The following CSMD1 variants were observed in gnomAD, a reference collection of about 807,000 sequenced individuals.
CSMD1 encodes the protein CUB and Sushi multiple domains 1.
CSMD1 carries 213 observed loss-of-function variants against 417.5 expected under a neutral mutation model. The observed-to-expected ratio is 0.51, with a 90% confidence interval of 0.46 to 0.57. The LOEUF is 0.57. Ranked by LOEUF, CSMD1 falls within the 20% of genes least tolerant of loss-of-function variation. CSMD1 has a pLI of 0.00. For synonymous variants in CSMD1, 2,862 were observed against 1,736.8 expected, an observed-to-expected ratio of 1.65 and a Z score of -16.11; for missense variants, 6,923 against 4,529.7, an observed-to-expected ratio of 1.53 and a Z score of -15.17.
At chr8:3,704,022 G>A (rs141296231) in intron 7 of CSMD1, among the ~76,000 whole-genome samples, 4,601 of 152,210 alleles carry the variant, frequency 0.03, 225 homozygotes, top group African/African-American at 0.1. Context: ...AGTGAGCTGA[G>A]ATCCTGCCAC....
chr8:3,690,712 T>C (rs1341893390), intron 7 of CSMD1, among the ~76,000 whole-genome samples: 2 of 152,220 alleles, frequency 1.3e-5, no homozygotes, highest in Admixed American at 6.5e-5. Context: ...GCATAGCTGA[T>C]ACATCTTTGC....
At chr8:3,774,378 C>T (rs543538404) in intron 5 of CSMD1, among the ~76,000 whole-genome samples, 6 of 152,074 alleles carry the variant, frequency 3.9e-5, no homozygotes, top group Non-Finnish European at 8.8e-5. Flanking sequence ...GTCATCTCCC[C>T]GGGATGCAAA....
intron 5 of CSMD1, among the ~76,000 whole-genome samples, chr8:3,776,146 T>C (rs1322032684): frequency 2.0e-5 from 3 of 152,166 alleles, no homozygotes; most frequent in Non-Finnish European, 4.4e-5. Flanking sequence ...ACTCTGCTCA[T>C]CTGCACATCA....
chr8:4,607,339 G>A (rs1388614573), intron 2 of CSMD1, among the ~76,000 whole-genome samples: 10 of 152,078 alleles, frequency 6.6e-5, no homozygotes, highest in East Asian at 5.8e-4. Context: ...TAGGGAGTGC[G>A]GGGGACGGGC....
At chr8:3,462,359 C>G (rs1462375931) in intron 12 of CSMD1, among the ~76,000 whole-genome samples, 3 of 152,168 alleles carry the variant, frequency 2.0e-5, no homozygotes, top group Admixed American at 6.5e-5. Flanking sequence ...CAGTACTCGT[C>G]CATGGCCTGC....
At chr8:3,884,404 C>A (rs1393855352) in intron 5 of CSMD1, among the ~76,000 whole-genome samples, 1 of 151,924 alleles carries the variant, frequency 6.6e-6, no homozygotes, top group East Asian at 1.9e-4. Context: ...CATCTTCTAG[C>A]ACAAATCTTG....
chr8:3,600,891 C>T (rs936653), intron 8 of CSMD1, among the ~76,000 whole-genome samples: 3,225 of 151,918 alleles, frequency 0.021, 124 homozygotes, highest in African/African-American at 0.075. Flanking sequence ...GATTTCAATA[C>T]AATAAAAAAA....
rs180874403 is a variant in CSMD1, at chr8:4,566,992, A to G, written c.302+70350T>C. On this transcript the variant is annotated intron_variant, in intron 2 of 69. Coordinates refer to ENST00000635120, the MANE Select transcript of CSMD1 (RefSeq NM_033225.6). ...TCTGGAGAAAACATCACTTTCTCCA[A>G]TGAAATCCTGTATGTATTTTTCAAG... is the stretch of plus-strand genomic sequence containing the variant. Among the ~76,000 whole-genome samples the G allele has an allele frequency of 1.8e-3, 273 of 152,300 alleles. 1 individual carries two copies. The highest frequency in any genetic ancestry group is 6.3e-3 in the African/African-American group (264 of 41,578).
intron 8 of CSMD1, among the ~76,000 whole-genome samples, chr8:3,588,876 G>T (rs1156852807): frequency 6.6e-6 from 1 of 151,958 alleles, no homozygotes; most frequent in Non-Finnish European, 1.5e-5. Flanking sequence ...TCAAACAAGG[G>T]AATCACAAGA....
intron 5 of CSMD1, among the ~76,000 whole-genome samples, chr8:3,784,227 T>C (rs1439812101): frequency 2.0e-5 from 3 of 152,214 alleles, no homozygotes; most frequent in Non-Finnish European, 4.4e-5. Context: ...AAATTATTTT[T>C]TAAAAGGATG....
intron 3 of CSMD1, among the ~76,000 whole-genome samples, chr8:4,335,711 A>G (rs1800126034): frequency 6.6e-6 from 1 of 152,130 alleles, no homozygotes; most frequent in East Asian, 1.9e-4. Context: ...TGTTTCTCAA[A>G]AATAACAAAT....
At chr8:4,599,731 T>G (rs1326343446) in intron 2 of CSMD1, among the ~76,000 whole-genome samples, 1 of 152,202 alleles carries the variant, frequency 6.6e-6, no homozygotes, top group Non-Finnish European at 1.5e-5. Flanking sequence ...CTAACCAGCT[T>G]TCTTTAATTC....
chr8:4,159,782 G>C (rs563571505), intron 3 of CSMD1, among the ~76,000 whole-genome samples: 1 of 152,108 alleles, frequency 6.6e-6, no homozygotes, highest in African/African-American at 2.4e-5. Flanking sequence ...TAGAGATGGG[G>C]TTTCACCGTG....
chr8:3,034,517 ACAT>A (rs1810541150), intron 50 of CSMD1, among the ~76,000 whole-genome samples: 1 of 152,240 alleles, frequency 6.6e-6, no homozygotes, highest in Admixed American at 6.5e-5. Context: ...ATACAAACAC[ACAT>A]TACATATATA....
At chr8:4,659,434 A>C (rs1050474441) in intron 1 of CSMD1, among the ~76,000 whole-genome samples, 2 of 152,188 alleles carry the variant, frequency 1.3e-5, no homozygotes, top group Non-Finnish European at 1.5e-5. Context: ...TGTGACATAG[A>C]CTTGCAGTGG....
chr8:3,867,959 G>C (rs1269456249), intron 5 of CSMD1, among the ~76,000 whole-genome samples: 1 of 151,988 alleles, frequency 6.6e-6, no homozygotes, highest in African/African-American at 2.4e-5. Context: ...GTCTTCTCTG[G>C]TGTTTATGTC....
intron 1 of CSMD1, among the ~76,000 whole-genome samples, chr8:4,678,371 A>C (rs1394821001): frequency 6.6e-6 from 1 of 152,144 alleles, no homozygotes; most frequent in African/African-American, 2.4e-5. Flanking sequence ...AGATCATGTG[A>C]CTGCATTCCA....
chr8:4,843,240 G>T (rs920172123), intron 1 of CSMD1, among the ~76,000 whole-genome samples: 27 of 152,046 alleles, frequency 1.8e-4, no homozygotes, highest in African/African-American at 6.5e-4. Flanking sequence ...GTGATTCTAG[G>T]GGAATACGAT....
chr8:4,755,414 C>T (rs1427335747), intron 1 of CSMD1, among the ~76,000 whole-genome samples: 3 of 152,270 alleles, frequency 2.0e-5, no homozygotes, highest in Admixed American at 6.5e-5. Context: ...GTTCTGATGA[C>T]TTCAAGTACT....
Sources: gnomAD v4.1 joint callset for allele counts (sites outside exome capture counted in the v4.1 genomes callset) on GRCh38, gnomAD v4.1.1 for gene constraint, MANE v1.5 for transcripts, NCBI Gene and HGNC (gene_info 2026-07-23, HGNC 2026-07-21) for gene names.